RGL1: variants seen among roughly 807,000 people sequenced by gnomAD.
RGL1 encodes ral guanine nucleotide dissociation stimulator like 1, also known as ral guanine nucleotide dissociation stimulator-like 1.
In RGL1, 24 loss-of-function variants were observed where a neutral mutation model predicts 95.2. The observed-to-expected ratio is 0.25, with a 90% CI of 0.18 to 0.35. The LOEUF is 0.35. Among genes scored for constraint, RGL1 ranks in the 10% least tolerant of loss-of-function variants. The pLI is 1.00. For missense variants in RGL1, 715 were observed against 936.3 expected (o/e 0.76, Z 3.08); for synonymous variants, 329 against 344.9 (o/e 0.95, Z 0.51).
At chr1:183,652,150 A>T (rs1046389097) in intron 1 of RGL1, among the ~76,000 whole-genome samples, 2 of 152,220 alleles carry the variant, frequency 1.3e-5, no homozygotes, top group South Asian at 2.1e-4. Flanking sequence ...AGTTAACTAT[A>T]TATAATGGTC....
Position 183,836,898 on chromosome 1 carries a change from C to T in RGL1, c.139-10668C>T, listed in dbSNP as rs558284587. On this transcript the variant is annotated intron_variant, in intron 2 of 17. Transcript: ENST00000360851. ...AACAACGTCATTATTACTTGAATTC[C>T]GAGATCCAGGGGAGTAATAATTTTA... is the stretch of plus-strand genomic sequence containing the variant. Among the ~76,000 whole-genome samples the T allele has an allele frequency of 1.3e-4, 20 of 152,126 alleles. No individual in the cohort carries two copies. In the Middle Eastern group the frequency reaches 0.01, roughly 78 times the overall value.
At chr1:183,913,219 G>T (rs1333780316) in intron 15 of RGL1, among the ~76,000 whole-genome samples, 2 of 100,430 alleles carry the variant, frequency 2.0e-5, no homozygotes, top group Non-Finnish European at 3.6e-5. Context: ...TTGAGATGAA[G>T]TCTCACTACT....
intron 2 of RGL1, among the ~76,000 whole-genome samples, chr1:183,794,861 C>G (rs1201577054): frequency 6.6e-6 from 1 of 152,200 alleles, no homozygotes; most frequent in Non-Finnish European, 1.5e-5. Flanking sequence ...TGTCTCAGGG[C>G]TACATTGTTA....
intron 14 of RGL1, among the ~76,000 whole-genome samples, chr1:183,907,869 C>G (rs114755621): frequency 6.6e-6 from 1 of 151,872 alleles, no homozygotes; most frequent in Non-Finnish European, 1.5e-5. Context: ...TGGTGGTGCA[C>G]GCATGTAGTC....
intron 2 of RGL1, among the ~76,000 whole-genome samples, chr1:183,834,625 T>C (rs1333618491): frequency 6.6e-6 from 1 of 152,158 alleles, no homozygotes; most frequent in Admixed American, 6.6e-5. Context: ...TTATTCCTTT[T>C]ATAGATTTCC....
intron 2 of RGL1, among the ~76,000 whole-genome samples, chr1:183,837,336 G>A (rs1220032883): frequency 6.6e-6 from 1 of 152,160 alleles, no homozygotes; most frequent in Non-Finnish European, 1.5e-5. Flanking sequence ...GAGATTGGTT[G>A]GGCTGCACAA....
At chr1:183,796,978 A>G (rs1308207672) in intron 2 of RGL1, among the ~76,000 whole-genome samples, 1 of 152,226 alleles carries the variant, frequency 6.6e-6, no homozygotes, top group Non-Finnish European at 1.5e-5. Flanking sequence ...CAAGTTACAA[A>G]TAGTATTTCA....
At chr1:183,704,963 ACACTTATTGCAACTC>A (rs1654813328) in intron 1 of RGL1, among the ~76,000 whole-genome samples, 1 of 152,152 alleles carries the variant, frequency 6.6e-6, no homozygotes, top group African/African-American at 2.4e-5. Context: ...CTGGGTTAGA[ACACTTATTGCAACTC>A]CACATCATTC....
intron 4 of RGL1, among the ~76,000 whole-genome samples, chr1:183,875,785 A>G (rs1572538480): frequency 6.7e-6 from 1 of 150,196 alleles, no homozygotes; most frequent in African/African-American, 2.5e-5. Flanking sequence ...AGGCTGAGGC[A>G]GGAGAATCGC....
chr1:183,804,579 C>T (rs184808272), upstream of RGL1, among the ~76,000 whole-genome samples: 311 of 152,284 alleles, frequency 2.0e-3, 3 homozygotes, highest in African/African-American at 7.3e-3. Flanking sequence ...TCCCTTCCCA[C>T]CCCCAATGGC....
At chr1:183,848,125 A>G (rs1321220240) in intron 3 of RGL1, among the ~76,000 whole-genome samples, 1 of 152,234 alleles carries the variant, frequency 6.6e-6, no homozygotes, top group East Asian at 1.9e-4. Context: ...TTTTACTGGG[A>G]TGTTGTGGGG....
chr1:183,888,444 C>G lies in RGL1; in HGVS notation c.952-30C>G, dbSNP rs1021413488. The G allele has an allele frequency of 2.3e-5, 29 of 1,261,870 alleles. 1 individual carries two copies. In the East Asian group the frequency reaches 6.7e-4, roughly 29 times the overall value. 78.2% of individuals were successfully genotyped at this position (1,261,870 alleles called of 1,614,324 possible). ...TCATTGTAATATTGATAGTTAAATG[C>G]CTTTTATGTTTTAATCACTCCCCAT... On this transcript the variant is annotated intron_variant, in intron 7 of 17. Transcript: ENST00000360851.
chr1:183,705,896 G>A (rs1654883789), intron 1 of RGL1, among the ~76,000 whole-genome samples: 1 of 152,152 alleles, frequency 6.6e-6, no homozygotes, highest in African/African-American at 2.4e-5. Context: ...GCCTATGAGA[G>A]CTGCTTGGGG....
chr1:183,905,563 G>A (rs74885540), intron 13 of RGL1, among the ~76,000 whole-genome samples: 2,814 of 152,326 alleles, frequency 0.018, 33 homozygotes, highest in Non-Finnish European at 0.029. Context: ...GACCGAGAGA[G>A]AACACAAGCA....
intron 2 of RGL1, among the ~76,000 whole-genome samples, chr1:183,834,480 G>C (rs1663494155): frequency 6.6e-6 from 1 of 152,056 alleles, no homozygotes; most frequent in Non-Finnish European, 1.5e-5. Context: ...TGAGGCTCCT[G>C]CTTATTTACC....
intron 2 of RGL1, among the ~76,000 whole-genome samples, chr1:183,782,807 C>G (rs946328682): frequency 1.2e-4 from 18 of 152,120 alleles, no homozygotes; most frequent in African/African-American, 4.1e-4. Context: ...GCACAGTCTC[C>G]TTAACTCTCC....
intron 14 of RGL1, among the ~76,000 whole-genome samples, chr1:183,910,397 C>T (rs975001353): frequency 6.6e-6 from 1 of 152,126 alleles, no homozygotes; most frequent in Non-Finnish European, 1.5e-5. Flanking sequence ...GTGCCTGGCC[C>T]CCTGTTGATT....
At chr1:183,701,291 C>T (rs2102143208) in intron 1 of RGL1, among the ~76,000 whole-genome samples, 1 of 152,256 alleles carries the variant, frequency 6.6e-6, no homozygotes. Flanking sequence ...TCTCTGAAGC[C>T]TTAAGGTAAT....
chr1:183,804,013 G>A (rs1400967733), upstream of RGL1, among the ~76,000 whole-genome samples: 1 of 152,194 alleles, frequency 6.6e-6, no homozygotes, highest in African/African-American at 2.4e-5. Flanking sequence ...CTGGCTGAAT[G>A]ACTTGTAGAT....
Sources: allele counts gnomAD v4.1 joint callset (sites outside exome capture counted in the v4.1 genomes callset), GRCh38; gene constraint gnomAD v4.1.1; transcripts MANE v1.5; gene names NCBI Gene and HGNC (gene_info 2026-07-23, HGNC 2026-07-21).